The following BRD3 variants were observed in gnomAD, a reference collection of about 807,000 sequenced individuals.
BRD3 encodes the protein bromodomain-containing protein 3.
BRD3 carries 17 observed loss-of-function variants against 66.8 expected under a neutral mutation model. The observed-to-expected ratio is 0.25, with a 90% CI of 0.17 to 0.38. BRD3 has a LOEUF of 0.38. Among genes scored for constraint, BRD3 ranks in the 10% least tolerant of loss-of-function variants. The pLI is 1.00. For missense variants in BRD3, 713 were observed against 956.1 expected, an observed-to-expected ratio of 0.75 and a Z score of 3.35; for synonymous variants, 421 against 393.2, an observed-to-expected ratio of 1.07 and a Z score of -0.84.
intron 1 of BRD3, 57 bp downstream of exon 1, chr9:134,067,888 C>CCGCCGCCCG (rs1023802267): frequency 3.0e-4 from 44 of 145,064 alleles, no homozygotes; most frequent in South Asian, 9.3e-4. Flanking sequence ...GCCCGGCCCG[C>CCGCCGCCCG]CGCCGCCCGC....
Position 134,051,842 on chromosome 9 carries a change from A to AAC in BRD3, c.352-134_352-133insGT, listed in dbSNP as rs1344476217. On this transcript the variant is annotated intron_variant, in intron 3 of 11. Coordinates refer to ENST00000303407, the MANE Select transcript of BRD3 (RefSeq NM_007371.4). ...TGGCAGCGCAGGAGAGAACAAAATG[A>AAC]ATATATGTGTGTGTGTGTGTGTGTG... The AAC allele has an allele frequency of 8.4e-5, 65 of 774,914 alleles. No individual in the cohort carries two copies. The African/African-American group carries it at 1.1e-3, about 13-fold the overall frequency. 48.0% of individuals were successfully genotyped at this position (774,914 alleles called of 1,614,324 possible). A position where few individuals can be genotyped will look rare whatever the true frequency, so the allele number is the denominator to read the frequency against.
At chr9:134,063,779 C>A (rs533502627) in intron 1 of BRD3, among the ~76,000 whole-genome samples, 3 of 152,194 alleles carry the variant, frequency 2.0e-5, no homozygotes, top group African/African-American at 7.2e-5. Flanking sequence ...AGATCACACC[C>A]GAGTCCACTG....
upstream of BRD3, chr9:134,068,405 A>G (rs1830717673): frequency 6.7e-6 from 1 of 149,706 alleles, no homozygotes; most frequent in Admixed American, 6.6e-5. Flanking sequence ...CGCAGCCAGC[A>G]CCGCAGCCCC....
intron 1 of BRD3, chr9:134,058,545 C>G (rs1345895883): frequency 6.6e-6 from 1 of 152,290 alleles, no homozygotes; most frequent in Non-Finnish European, 1.5e-5. Context: ...AGAGCCTGAC[C>G]ACTCCGTGTC....
In BRD3 at chr9:134,032,874, T is replaced by G. The variant is rs1588268347; in HGVS notation, c.*716A>C. 1 of 320,188 alleles carries G rather than the reference T, an allele frequency of 3.1e-6. No individual in the cohort carries two copies. Among genetic ancestry groups the G allele is most frequent in the East Asian group, 4.5e-5 (1 of 22,134 alleles). 19.8% of individuals were successfully genotyped at this position (320,188 alleles called of 1,614,324 possible). A position where few individuals can be genotyped will look rare whatever the true frequency, so the allele number is the denominator to read the frequency against. ...TTTTTTTAAATCTTTTCTTCTTTTTTTTTTTTTAAAGTTGAGGTAAAAGCT... is the reference window on the plus strand; with the variant it reads ...TTTTTTTAAATCTTTTCTTCTTTTTGTTTTTTTAAAGTTGAGGTAAAAGCT... On this transcript the variant is annotated 3_prime_UTR_variant, in exon 12 of 12. Coordinates refer to ENST00000303407, the MANE Select transcript of BRD3 (RefSeq NM_007371.4).
At chr9:134,060,396 C>T (rs964654669) in intron 1 of BRD3, among the ~76,000 whole-genome samples, 1 of 152,060 alleles carries the variant, frequency 6.6e-6, no homozygotes, top group Non-Finnish European at 1.5e-5. Context: ...AGTTCGAGAC[C>T]AGCCTGGGCA....
chr9:134,036,660 G>C, intron 9 of BRD3: 1 of 1,217,976 alleles, frequency 8.2e-7, no homozygotes, highest in Non-Finnish European at 1.2e-6. Flanking sequence ...AGAGGAAAAA[G>C]AAAATAATAA....
In BRD3 at chr9:134,040,132, G is replaced by T; in HGVS notation, c.1545C>A (p.Ala515=). The change falls in exon 9 of 12, where the codon GCC becomes GCA. Residue 515 remains alanine (A), a synonymous_variant. Coordinates refer to ENST00000303407, the MANE Select transcript of BRD3 (RefSeq NM_007371.4). ...CCACCTTGGCCTTCTTCTCTTCCTC[G>T]GCCTTCACTTTGTGCTTCTCCTTCT... ...EKEKEKHKVK[A]EEEKKAKVAP... The T allele has an allele frequency of 6.4e-7, 1 of 1,567,370 alleles. No homozygotes were observed.
intron 11 of BRD3, 89 bp downstream of exon 11, chr9:134,034,612 C>CA (rs1843569326): frequency 1.3e-6 from 2 of 1,536,906 alleles, no homozygotes; most frequent in Non-Finnish European, 1.7e-6. Flanking sequence ...AAGCCACACT[C>CA]AGACGTGGGC....
intron 1 of BRD3, among the ~76,000 whole-genome samples, chr9:134,063,353 G>A (rs1286585251): frequency 6.6e-6 from 1 of 152,218 alleles, no homozygotes; most frequent in African/African-American, 2.4e-5. Flanking sequence ...CGAGGGCCTG[G>A]TCAGCATACC....
chr9:134,057,929 C>G (rs1830458856), intron 1 of BRD3: 1 of 152,426 alleles, frequency 6.6e-6, no homozygotes, highest in African/African-American at 2.4e-5. Context: ...GGTCCACACA[C>G]CAGACACAGA....
intron 9 of BRD3, chr9:134,036,601 G>C: frequency 6.2e-7 from 1 of 1,603,114 alleles, no homozygotes; most frequent in Non-Finnish European, 8.5e-7. Flanking sequence ...TCTGTATTCA[G>C]GTAATCCAAA....
At chr9:134,053,924 G>C (rs1028086240) in intron 1 of BRD3, 1 of 187,852 alleles carries the variant, frequency 5.3e-6, no homozygotes, top group African/African-American at 2.3e-5. Flanking sequence ...TCAGCCACTG[G>C]CAGCCTTCTG....
At position 134,040,146 on chromosome 9, in the gene BRD3, GCTTCTCCTTCTC is replaced by G; in HGVS notation, c.1519_1530del (p.Glu507_Lys510del). ...TTCTCTTCCTCGGCCTTCACTTTGT[GCTTCTCCTTCTC>G]CTTCTCCTTGTCCTTCTTCTTCTTC... On this transcript the variant is annotated inframe_deletion, in exon 9 of 12. Coordinates refer to ENST00000303407, the MANE Select transcript of BRD3 (RefSeq NM_007371.4). The G allele has an allele frequency of 6.4e-7, 1 of 1,564,372 alleles. No individual in the cohort carries two copies. Among genetic ancestry groups the G allele is most frequent in the Non-Finnish European group, 8.7e-7 (1 of 1,154,968 alleles).
chr9:134,052,336 G>A lies in BRD3; in HGVS notation c.321C>T (p.Thr107=), dbSNP rs766279340. The change falls in exon 3 of 12, where the codon ACC becomes ACT. Residue 107 remains threonine (T), a synonymous_variant. Coordinates refer to ENST00000303407, the MANE Select transcript of BRD3 (RefSeq NM_007371.4). The part of the protein sequence containing the change: ...SASECMQDFN[T]MFTNCYIYNK... Reference sequence around the variant, plus strand: ...TATAAATGTAACAATTTGTAAACATGGTGTTGAAGTCCTGCATACATTCGC... The same window carrying A: ...TATAAATGTAACAATTTGTAAACATAGTGTTGAAGTCCTGCATACATTCGC... 1.2e-6 allele frequency: 2 copies of A among 1,613,348 alleles called. No individual in the cohort carries two copies. Among genetic ancestry groups the A allele is most frequent in the Non-Finnish European group, 1.7e-6 (2 of 1,179,972 alleles).
intron 9 of BRD3, 169 bp from the exon 10 acceptor site, chr9:134,036,493 C>G: frequency 6.3e-7 from 1 of 1,586,738 alleles, no homozygotes; most frequent in Non-Finnish European, 8.6e-7. Context: ...TCGCTCCCAG[C>G]TGCGGGGTTT....
In BRD3 at chr9:134,036,334, G is replaced by A. The variant is rs893300436; in HGVS notation, c.1644-10C>T. ...GCCTTTCTTCAGCTGTCTGGGGCAG[G>A]AGACAGAGCAACGTGGTGTTGAGTC... On this transcript the variant is annotated splice_polypyrimidine_tract_variant and intron_variant, in intron 9 of 11. Coordinates refer to ENST00000303407, the MANE Select transcript of BRD3 (RefSeq NM_007371.4). The A allele has an allele frequency of 1.3e-6, 2 of 1,592,800 alleles. No individual in the cohort carries two copies. The highest frequency in any genetic ancestry group is 1.7e-4 in the Middle Eastern group (1 of 5,772).
chr9:134,032,769 G>C lies in BRD3; in HGVS notation c.*821C>G. On this transcript the variant is annotated 3_prime_UTR_variant, in exon 12 of 12. Coordinates refer to ENST00000303407, the MANE Select transcript of BRD3 (RefSeq NM_007371.4). ...GCGCGGCAGCAGCAGCAGGGGCAGC[G>C]CTAGCCAGGCGGGGACTCACAGCGG... 1 of 246,000 alleles carries C rather than the reference G, an allele frequency of 4.1e-6. No homozygotes were observed. Among genetic ancestry groups the C allele is most frequent in the African/African-American group, 2.2e-5 (1 of 45,902 alleles). 15.2% of individuals were successfully genotyped at this position (246,000 alleles called of 1,614,324 possible).
intron 3 of BRD3, among the ~76,000 whole-genome samples, 160 bp from the exon 4 acceptor site, chr9:134,051,869 G>GT (rs1184393022): frequency 4.5e-5 from 5 of 109,994 alleles, no homozygotes; most frequent in African/African-American, 2.3e-4. Flanking sequence ...GTGTGTGTGT[G>GT]TGTGTGTGTT....
Sources: allele counts gnomAD v4.1 joint callset (sites outside exome capture counted in the v4.1 genomes callset), GRCh38; gene constraint gnomAD v4.1.1; transcripts MANE v1.5; gene names NCBI Gene and HGNC (gene_info 2026-07-23, HGNC 2026-07-21).